The following DIP2C variants were observed in gnomAD, a reference collection of about 807,000 sequenced individuals.
DIP2C encodes the protein DIP2 acetate--CoA ligase C (putative).
In DIP2C, 33 loss-of-function variants were observed where a neutral mutation model predicts 192.4. That is an observed-to-expected ratio of 0.17 (90% CI 0.13 to 0.23). DIP2C has a LOEUF of 0.23. DIP2C is among the 10% of genes least tolerant of loss of function. The pLI is 1.00. For missense variants in DIP2C, 1,537 were observed against 2,110.1 expected, an observed-to-expected ratio of 0.73 and a Z score of 5.32; for synonymous variants, 979 against 864.1, an observed-to-expected ratio of 1.13 and a Z score of -2.33.
At chr10:582,924 C>G (rs1850759320) in intron 1 of DIP2C, among the ~76,000 whole-genome samples, 1 of 152,188 alleles carries the variant, frequency 6.6e-6, no homozygotes, top group Non-Finnish European at 1.5e-5. Flanking sequence ...AATAAAATTT[C>G]TGATGTATAT....
intron 2 of DIP2C, among the ~76,000 whole-genome samples, chr10:475,186 G>A (rs192303001): frequency 6.6e-5 from 10 of 152,226 alleles, no homozygotes; most frequent in East Asian, 1.9e-4. Context: ...GAGGAAAAGC[G>A]GCCGCCTGCT....
chr10:304,409 G>C (rs1203519441), intron 32 of DIP2C, among the ~76,000 whole-genome samples: 2 of 152,148 alleles, frequency 1.3e-5, no homozygotes, highest in African/African-American at 4.8e-5. Flanking sequence ...GACTAATTCA[G>C]CAAAGGGACA....
intron 1 of DIP2C, among the ~76,000 whole-genome samples, chr10:566,089 G>A (rs751683584): frequency 6.6e-6 from 1 of 152,152 alleles, no homozygotes; most frequent in Non-Finnish European, 1.5e-5. Flanking sequence ...CTCAACACTG[G>A]GACATGCTCT....
chr10:390,427 A>G (rs1963367107), intron 11 of DIP2C, 54 bp from the exon 12 acceptor site: 4 of 1,531,458 alleles, frequency 2.6e-6, no homozygotes, highest in Admixed American at 3.4e-5. Flanking sequence ...GTCGGTCTGT[A>G]GAATTTCTCC....
intron 15 of DIP2C, 90 bp from the exon 16 acceptor site, chr10:384,236 G>A (rs1962651471): frequency 6.7e-7 from 1 of 1,497,534 alleles, no homozygotes. Flanking sequence ...AGTGGGGAAG[G>A]GTGAAGAATC....
rs141027209 is a variant in DIP2C, at chr10:387,075, A to G, written c.1662+670T>C. ...GCAGAGTAACACAATAGCAGGCCCC[A>G]CCGACTCAACAAACAGAAACATCCA... On this transcript the variant is annotated intron_variant, in intron 14 of 36. Coordinates refer to ENST00000280886, the MANE Select transcript of DIP2C (RefSeq NM_014974.3). Among the ~76,000 whole-genome samples the G allele has an allele frequency of 3.1e-3, 475 of 152,290 alleles. 2 individuals are homozygous for G. Among genetic ancestry groups the G allele is most frequent in the Non-Finnish European group, 5.4e-3 (369 of 68,032 alleles).
At chr10:579,069 A>G (rs1036958865) in intron 1 of DIP2C, among the ~76,000 whole-genome samples, 7 of 152,298 alleles carry the variant, frequency 4.6e-5, no homozygotes, top group Admixed American at 2.6e-4. Flanking sequence ...CAACATGTGT[A>G]TGTGCATAGA....
chr10:350,957 ATG>A (rs1298932779), intron 24 of DIP2C, among the ~76,000 whole-genome samples: 3 of 152,114 alleles, frequency 2.0e-5, no homozygotes, highest in African/African-American at 7.2e-5. Context: ...AGGAATTCTT[ATG>A]TGAGTCACAG....
At chr10:364,725 G>C in intron 19 of DIP2C, 143 bp from the exon 20 acceptor site, 1 of 868,984 alleles carries the variant, frequency 1.2e-6, no homozygotes, top group East Asian at 2.7e-5. Context: ...CGAGGTCACA[G>C]TGACCGCTGG....
At chr10:427,657 C>T (rs961961088) in intron 4 of DIP2C, among the ~76,000 whole-genome samples, 1 of 152,136 alleles carries the variant, frequency 6.6e-6, no homozygotes, top group African/African-American at 2.4e-5. Flanking sequence ...AGCTAATAAG[C>T]ACATTAAAAG....
In DIP2C at chr10:503,981, C is replaced by T. The variant is rs139788145; in HGVS notation, c.86-17451G>A. On this transcript the variant is annotated intron_variant, in intron 1 of 36. Coordinates refer to ENST00000280886, the MANE Select transcript of DIP2C (RefSeq NM_014974.3). ...TACTCAGAAATTAAATTCCAGATTC[C>T]TGATCACACTTAAAGTCAACTGCTT... Among the ~76,000 whole-genome samples, 699 of 152,298 alleles carry T rather than the reference C, an allele frequency of 4.6e-3. 6 individuals are homozygous for T. Among genetic ancestry groups the T allele is most frequent in the South Asian group, 0.011 (52 of 4,832 alleles).
chr10:638,885 G>A lies in DIP2C; in HGVS notation c.85+50609C>T, dbSNP rs114532851. ...CAGGACAGGCTCTAATTCCGCCTCC[G>A]GGCCCTTTTGCAAAAAGCCATTTCT... On this transcript the variant is annotated intron_variant, in intron 1 of 36. Transcript: ENST00000280886. Among the ~76,000 whole-genome samples the A allele has an allele frequency of 2.4e-3, 358 of 152,314 alleles. 1 individual carries two copies. The highest frequency in any genetic ancestry group is 8.3e-3 in the African/African-American group (343 of 41,568).
chr10:617,207 G>T (rs1034567031), intron 1 of DIP2C, among the ~76,000 whole-genome samples: 3 of 69,210 alleles, frequency 4.3e-5, no homozygotes, highest in East Asian at 7.3e-4. Flanking sequence ...GCCGCCCCCT[G>T]AAATACACGA....
intron 1 of DIP2C, among the ~76,000 whole-genome samples, chr10:502,248 A>T (rs1325596093): frequency 6.6e-6 from 1 of 152,252 alleles, no homozygotes; most frequent in Non-Finnish European, 1.5e-5. Flanking sequence ...GAATGTGAAG[A>T]TATTATGAGG....
chr10:639,159 T>G, intron 1 of DIP2C, among the ~76,000 whole-genome samples: 1 of 140,290 alleles, frequency 7.1e-6, no homozygotes, highest in Non-Finnish European at 1.6e-5. Context: ...GTCGGGAGGG[T>G]GCTGCCCGGC....
intron 31 of DIP2C, chr10:311,522 A>C: frequency 8.1e-7 from 1 of 1,232,510 alleles, no homozygotes; most frequent in Non-Finnish European, 1.0e-6. Context: ...TGTGATGGAC[A>C]GGAAAGTCCC....
At chr10:578,112 G>A (rs2131564932) in intron 1 of DIP2C, among the ~76,000 whole-genome samples, 1 of 152,254 alleles carries the variant, frequency 6.6e-6, no homozygotes, top group East Asian at 1.9e-4. Context: ...TATTTTCCCT[G>A]TTTACTCGAA....
intron 2 of DIP2C, among the ~76,000 whole-genome samples, chr10:479,021 AGCCTGCT>A (rs1383627869): frequency 6.6e-6 from 1 of 152,144 alleles, no homozygotes; most frequent in African/African-American, 2.4e-5. Flanking sequence ...CTGCAGGAGA[AGCCTGCT>A]CTGGGCCCTT....
intron 3 of DIP2C, among the ~76,000 whole-genome samples, chr10:441,942 C>T (rs1454888972): frequency 4.5e-5 from 3 of 66,692 alleles, no homozygotes; most frequent in African/African-American, 9.7e-5. Context: ...AGACAGGTGA[C>T]AGACGGGGTA....
Sources: allele counts gnomAD v4.1 joint callset (sites outside exome capture counted in the v4.1 genomes callset), GRCh38; gene constraint gnomAD v4.1.1; transcripts MANE v1.5; gene names NCBI Gene and HGNC (gene_info 2026-07-23, HGNC 2026-07-21).